NCKAP1: variants seen among roughly 807,000 people sequenced by gnomAD.
NCKAP1 encodes the protein NCK associated protein 1.
In NCKAP1, 21 loss-of-function variants were observed where a neutral mutation model predicts 151.2. The ratio of observed to expected loss-of-function variants is 0.14; its 90% CI spans 0.10 to 0.20. The LOEUF (loss-of-function observed/expected upper bound fraction) is 0.20. NCKAP1 is among the 10% of genes least tolerant of loss of function. The pLI is 1.00. For synonymous variants in NCKAP1, 484 were observed against 451.8 expected (o/e 1.07, Z -0.90); for missense variants, 933 against 1,352.1 (o/e 0.69, Z 4.86).
intron 3 of NCKAP1, 91 bp downstream of exon 3, chr2:183,003,136 CAATTTT>C: frequency 7.7e-7 from 1 of 1,293,152 alleles, no homozygotes; most frequent in Non-Finnish European, 1.1e-6. Flanking sequence ...GGAAGAATTT[CAATTTT>C]ATTATTTACA....
chr2:182,971,426 T>C (rs1028504699), intron 15 of NCKAP1, among the ~76,000 whole-genome samples: 1 of 149,782 alleles, frequency 6.7e-6, no homozygotes, highest in Non-Finnish European at 1.5e-5. Context: ...AGATATCTCA[T>C]GTTCATGAAT....
Position 182,914,892 on chromosome 2 carries a change from T to A in NCKAP1, c.*10810A>T, listed in dbSNP as rs952364652. 1 of 152,226 alleles carries A rather than the reference T, an allele frequency of 6.6e-6. No individual in the cohort carries two copies. The highest frequency in any genetic ancestry group is 2.4e-5 in the African/African-American group (1 of 41,464). 9.4% of individuals were successfully genotyped at this position (152,226 alleles called of 1,614,324 possible). A position where few individuals can be genotyped will look rare whatever the true frequency, so the allele number is the denominator to read the frequency against. ...TTTGGGTGCTCAGAGGAGCATTGAC[T>A]ACCTTTTCCATCCCTTCCCTTTAAA... On this transcript the variant is annotated 3_prime_UTR_variant, in exon 31 of 31. Coordinates refer to ENST00000361354, the MANE Select transcript of NCKAP1 (RefSeq NM_013436.5).
chr2:182,996,748 G>A (rs1455333276), intron 6 of NCKAP1, among the ~76,000 whole-genome samples: 1 of 152,128 alleles, frequency 6.6e-6, no homozygotes, highest in Non-Finnish European at 1.5e-5. Flanking sequence ...GAGCCACCAC[G>A]CCTGGCTGTA....
intron 30 of NCKAP1, among the ~76,000 whole-genome samples, 163 bp downstream of exon 30, chr2:182,926,653 T>C (rs994615186): frequency 4.6e-5 from 7 of 152,128 alleles, no homozygotes; most frequent in Non-Finnish European, 1.0e-4. Context: ...AATGATAAAA[T>C]ATGAGTGATG....
At chr2:182,962,355 T>C (rs1290231948) in intron 17 of NCKAP1, 77 bp from the exon 18 acceptor site, 2 of 1,364,838 alleles carry the variant, frequency 1.5e-6, no homozygotes, top group Non-Finnish European at 2.0e-6. Flanking sequence ...TAAATAGACA[T>C]GGAAAATTAG....
chr2:183,023,110 G>A (rs963872579), intron 2 of NCKAP1: 1 of 152,056 alleles, frequency 6.6e-6, no homozygotes, highest in Admixed American at 6.6e-5. Flanking sequence ...AAAATAAAAA[G>A]AGAAGACAGG....
chr2:183,001,858 A>G, intron 6 of NCKAP1, 95 bp downstream of exon 6: 1 of 1,042,590 alleles, frequency 9.6e-7, no homozygotes, highest in South Asian at 1.5e-5. Flanking sequence ...CCATTATAGT[A>G]TTTTTCAAAA....
chr2:182,943,294 A>G (rs546492205), intron 23 of NCKAP1, among the ~76,000 whole-genome samples: 1 of 152,290 alleles, frequency 6.6e-6, no homozygotes, highest in South Asian at 2.1e-4. Context: ...ATTTAAGGGA[A>G]AAAAACTACA....
At chr2:182,962,095 T>C (rs1464141840) in intron 18 of NCKAP1, 64 bp downstream of exon 18, 1 of 1,526,982 alleles carries the variant, frequency 6.5e-7, no homozygotes, top group Non-Finnish European at 8.9e-7. Flanking sequence ...AACAACTGGC[T>C]AAAAGCACAT....
At chr2:182,984,865 G>C (rs1334605149) in intron 10 of NCKAP1, among the ~76,000 whole-genome samples, 3 of 152,132 alleles carry the variant, frequency 2.0e-5, no homozygotes, top group Non-Finnish European at 2.9e-5. Context: ...AGTCCTAGAA[G>C]TTACCACTGC....
intron 2 of NCKAP1, among the ~76,000 whole-genome samples, chr2:183,008,567 G>T (rs576888718): frequency 6.6e-6 from 1 of 152,194 alleles, no homozygotes; most frequent in Non-Finnish European, 1.5e-5. Flanking sequence ...CACCAAGTAT[G>T]TTCCCATCGC....
At chr2:182,930,618 G>T (rs1226029175) in intron 27 of NCKAP1, 77 bp downstream of exon 27, 4 of 1,125,330 alleles carry the variant, frequency 3.6e-6, no homozygotes, top group Non-Finnish European at 3.9e-6. Context: ...TGAATATATG[G>T]TTAAATATCA....
intron 11 of NCKAP1, 119 bp downstream of exon 11, chr2:182,983,167 C>A: frequency 1.2e-6 from 1 of 814,780 alleles, no homozygotes; most frequent in Non-Finnish European, 1.9e-6. Context: ...TCATTCTCCA[C>A]TAAATATAAA....
chr2:183,035,813 A>G (rs964078335), intron 1 of NCKAP1, among the ~76,000 whole-genome samples: 6 of 152,154 alleles, frequency 3.9e-5, no homozygotes, highest in African/African-American at 1.2e-4. Flanking sequence ...ACTAGAGCAC[A>G]CAGGTTTTGA....
intron 15 of NCKAP1, among the ~76,000 whole-genome samples, chr2:182,968,902 G>C (rs545069227): frequency 2.6e-5 from 4 of 152,202 alleles, no homozygotes; most frequent in Non-Finnish European, 4.4e-5. Context: ...ACTATTCAAT[G>C]AGACAGTGAC....
At chr2:182,962,614 T>C (rs562348703) in intron 17 of NCKAP1, among the ~76,000 whole-genome samples, 1 of 152,178 alleles carries the variant, frequency 6.6e-6, no homozygotes, top group Non-Finnish European at 1.5e-5. Context: ...ATTAAACATA[T>C]AATGTGAAAG....
chr2:182,957,619 T>A, intron 18 of NCKAP1, 23 bp from the exon 19 acceptor site: 7 of 1,607,402 alleles, frequency 4.4e-6, no homozygotes, highest in Non-Finnish European at 5.9e-6. Context: ...AAGAATGAAA[T>A]CTTACATTAC....
intron 13 of NCKAP1, among the ~76,000 whole-genome samples, chr2:182,980,340 A>G (rs1186670358): frequency 6.6e-6 from 1 of 152,052 alleles, no homozygotes; most frequent in African/African-American, 2.4e-5. Flanking sequence ...TTTCCTTATT[A>G]TATTTTTAGG....
intron 1 of NCKAP1, among the ~76,000 whole-genome samples, chr2:183,034,382 GTT>G (rs71405501): frequency 0.61 from 90,720 of 147,936 alleles, 30,769 homozygotes; most frequent in East Asian, 0.86. Flanking sequence ...AGTTGTATGG[GTT>G]TTTTTTTTTT....
Sources: gnomAD v4.1 joint callset for allele counts (sites outside exome capture counted in the v4.1 genomes callset) on GRCh38, gnomAD v4.1.1 for gene constraint, MANE v1.5 for transcripts, NCBI Gene and HGNC (gene_info 2026-07-23, HGNC 2026-07-21) for gene names.